The following SAMD12 variants were observed in gnomAD, a reference collection of about 807,000 sequenced individuals.
The protein encoded by SAMD12 is sterile alpha motif domain containing 12, also known as sterile alpha motif domain-containing protein 12.
Under a neutral mutation model 15.0 loss-of-function variants are expected in SAMD12, and 9 were observed. The observed-to-expected ratio is 0.60, with a 90% CI of 0.36 to 1.05. SAMD12 has a LOEUF of 1.05. SAMD12 is among the 50% of genes least tolerant of loss of function. SAMD12 has a pLI of 0.01. For missense variants in SAMD12, 230 were observed against 234.2 expected, an observed-to-expected ratio of 0.98 and a Z score of 0.12; for synonymous variants, 86 against 90.1, an observed-to-expected ratio of 0.96 and a Z score of 0.25.
chr8:118,452,988 T>G (rs7838136), intron 2 of SAMD12, among the ~76,000 whole-genome samples: 1 of 152,192 alleles, frequency 6.6e-6, no homozygotes, highest in African/African-American at 2.4e-5. Context: ...CTTCCTCCTC[T>G]TGTCTCTTCT....
chr8:118,338,037 C>T (rs551703414), intron 4 of SAMD12, among the ~76,000 whole-genome samples: 2 of 152,328 alleles, frequency 1.3e-5, no homozygotes, highest in East Asian at 3.9e-4. Flanking sequence ...GGGGAGACTA[C>T]TGTACAGCTT....
intron 4 of SAMD12, among the ~76,000 whole-genome samples, chr8:118,228,729 A>C (rs1474655882): frequency 1.3e-5 from 2 of 152,194 alleles, no homozygotes; most frequent in Non-Finnish European, 2.9e-5. Flanking sequence ...AACAGTGTGG[A>C]GCTTCCTTAA....
intron 4 of SAMD12, among the ~76,000 whole-genome samples, chr8:118,223,131 C>G (rs1812116990): frequency 6.6e-6 from 1 of 152,186 alleles, no homozygotes; most frequent in African/African-American, 2.4e-5. Context: ...GAGGTGTGCT[C>G]TGTTGCTGAT....
the SAMD12 span, among the ~76,000 whole-genome samples, chr8:118,133,310 T>C: frequency 6.6e-6 from 1 of 152,040 alleles, no homozygotes; most frequent in South Asian, 2.1e-4. Flanking sequence ...GGCATTTTGA[T>C]GTCCATCATT....
chr8:118,184,413 C>G, the SAMD12 span, among the ~76,000 whole-genome samples: 4 of 152,012 alleles, frequency 2.6e-5, no homozygotes, highest in African/African-American at 9.7e-5. Flanking sequence ...ACCACATGTG[C>G]ACACAAACAC....
chr8:118,620,594 A>C (rs1482699071), intron 1 of SAMD12, among the ~76,000 whole-genome samples: 1 of 152,100 alleles, frequency 6.6e-6, no homozygotes, highest in Non-Finnish European at 1.5e-5. Flanking sequence ...TCCCGAGTTT[A>C]TGGGTGCTGA....
chr8:118,530,388 C>T (rs190763806), intron 2 of SAMD12, among the ~76,000 whole-genome samples: 17 of 152,128 alleles, frequency 1.1e-4, no homozygotes, highest in African/African-American at 3.6e-4. Flanking sequence ...ACCCTCAAGT[C>T]GGCCCCAGTG....
downstream of SAMD12, among the ~76,000 whole-genome samples, chr8:118,373,313 G>C (rs1329019987): frequency 3.3e-5 from 5 of 152,062 alleles, no homozygotes. Context: ...TGCAAAATGA[G>C]ACTGGACAAT....
chr8:118,490,521 C>G (rs969211562), intron 2 of SAMD12, among the ~76,000 whole-genome samples: 2 of 152,100 alleles, frequency 1.3e-5, no homozygotes, highest in African/African-American at 4.8e-5. Flanking sequence ...CAAATCTGAC[C>G]ATGTTAGTTA....
chr8:118,383,906 TG>T (rs1819808199), intron 3 of SAMD12, among the ~76,000 whole-genome samples: 1 of 152,048 alleles, frequency 6.6e-6, no homozygotes, highest in Non-Finnish European at 1.5e-5. Context: ...CCATTCAGTG[TG>T]GGAGAAAGGT....
intron 2 of SAMD12, among the ~76,000 whole-genome samples, chr8:118,555,680 T>C (rs1437521501): frequency 6.6e-6 from 1 of 152,200 alleles, no homozygotes; most frequent in Admixed American, 6.5e-5. Context: ...ATCAGCACAT[T>C]ATAAATCTCC....
chr8:118,399,189 A>C (rs2130781449), intron 3 of SAMD12, among the ~76,000 whole-genome samples: 1 of 120,808 alleles, frequency 8.3e-6, no homozygotes, highest in South Asian at 2.5e-4. Flanking sequence ...AGGCCCGATA[A>C]ATTTTTTTTT....
intron 2 of SAMD12, among the ~76,000 whole-genome samples, chr8:118,467,497 C>T (rs576508038): frequency 7.2e-4 from 109 of 152,268 alleles, no homozygotes; most frequent in South Asian, 4.6e-3. Flanking sequence ...GCCCTCTGAT[C>T]CAGATTCTGT....
the SAMD12 span, among the ~76,000 whole-genome samples, chr8:118,157,737 A>G: frequency 1.3e-5 from 2 of 152,200 alleles, no homozygotes; most frequent in Non-Finnish European, 2.9e-5. Context: ...ATGAAAGAGA[A>G]GTGGTGGAAT....
At chr8:118,199,912 C>T (rs1819665422) in intron 4 of SAMD12, among the ~76,000 whole-genome samples, 1 of 152,088 alleles carries the variant, frequency 6.6e-6, no homozygotes, top group Non-Finnish European at 1.5e-5. Context: ...TGGCTGTGTC[C>T]CCACCCAAAT....
intron 3 of SAMD12, among the ~76,000 whole-genome samples, chr8:118,431,717 T>C (rs35872479): frequency 0.53 from 79,253 of 150,416 alleles, 23,192 homozygotes; most frequent in Non-Finnish European, 0.64. Flanking sequence ...TGTGTGTGTG[T>C]GTGTGTGTGT....
chr8:118,199,947 A>G (rs1384422541), intron 4 of SAMD12, among the ~76,000 whole-genome samples: 1 of 152,144 alleles, frequency 6.6e-6, no homozygotes, highest in African/African-American at 2.4e-5. Context: ...CAGCTCCCAT[A>G]ATTCCCACGC....
intron 4 of SAMD12, among the ~76,000 whole-genome samples, chr8:118,268,455 T>C (rs6989069): frequency 0.42 from 63,780 of 152,066 alleles, 16,078 homozygotes; most frequent in African/African-American, 0.71. Context: ...TGTTTGGTTT[T>C]TAAATACTTA....
chr8:118,492,112 C>A (rs558280335), intron 2 of SAMD12, among the ~76,000 whole-genome samples: 98 of 140,208 alleles, frequency 7.0e-4, no homozygotes, highest in African/African-American at 2.6e-3. Context: ...ATCACTGATA[C>A]TGGTGTTGCC....
Sources: gnomAD v4.1 joint callset for allele counts (sites outside exome capture counted in the v4.1 genomes callset) on GRCh38, gnomAD v4.1.1 for gene constraint, MANE v1.5 for transcripts, NCBI Gene and HGNC (gene_info 2026-07-23, HGNC 2026-07-21) for gene names.